Variants in WDPCP observed in about 807,000 individuals in gnomAD.
WDPCP encodes WD repeat containing planar cell polarity effector.
In WDPCP, 71 loss-of-function variants were observed where a neutral mutation model predicts 93.1. The ratio of observed to expected loss-of-function variants is 0.76; its 90% CI spans 0.63 to 0.93. The LOEUF (loss-of-function observed/expected upper bound fraction) is 0.93. Ranked by LOEUF, WDPCP falls within the 40% of genes least tolerant of loss-of-function variation. The pLI, the probability that WDPCP is intolerant of heterozygous loss-of-function variation, is 0.00. For synonymous variants in WDPCP, 315 were observed against 315.0 expected (o/e 1.00, Z 0.00); for missense variants, 844 against 887.4 (o/e 0.95, Z 0.62).
At chr2:63,542,289 C>T (rs1704806250) in intron 1 of WDPCP, among the ~76,000 whole-genome samples, 1 of 152,022 alleles carries the variant, frequency 6.6e-6, no homozygotes, top group South Asian at 2.1e-4. Flanking sequence ...GAAAGACTGA[C>T]AGATTTGGAC....
At chr2:63,522,208 G>A (rs553425023) in intron 1 of WDPCP, among the ~76,000 whole-genome samples, 1 of 151,318 alleles carries the variant, frequency 6.6e-6, no homozygotes, top group Non-Finnish European at 1.5e-5. Flanking sequence ...GGCAGGTGAT[G>A]TTCCCCTCCC....
At chr2:63,319,021 A>T (rs886067908) in intron 12 of WDPCP, among the ~76,000 whole-genome samples, 6 of 152,198 alleles carry the variant, frequency 3.9e-5, no homozygotes, top group Non-Finnish European at 7.3e-5. Flanking sequence ...CTACAAATAG[A>T]CTGACCCTAG....
rs572815795 is a variant in WDPCP at position 63,355,608 on chromosome 2, G to A, written c.1748+22778C>T. ...TCAAACCCACATATCAGCCAGGCAC[G>A]GTGGCTCATGCCTGTAATCCTAGCA... is the stretch of plus-strand genomic sequence containing the variant. On this transcript the variant is annotated intron_variant, in intron 12 of 17. Coordinates refer to ENST00000272321, the MANE Select transcript of WDPCP (RefSeq NM_015910.7). Among the ~76,000 whole-genome samples, 38 of 152,190 alleles carry A rather than the reference G, an allele frequency of 2.5e-4. 1 individual carries two copies. The South Asian group carries it at 6.0e-3, about 24-fold the overall frequency.
At chr2:63,207,699 C>T (rs1215237577) in intron 14 of WDPCP, among the ~76,000 whole-genome samples, 1 of 152,088 alleles carries the variant, frequency 6.6e-6, no homozygotes, top group Admixed American at 6.6e-5. Context: ...TAGAATATGT[C>T]TTGATGTCGA....
chr2:63,251,608 C>T (rs1680734687), intron 14 of WDPCP, among the ~76,000 whole-genome samples: 1 of 150,592 alleles, frequency 6.6e-6, no homozygotes, highest in Non-Finnish European at 1.5e-5. Flanking sequence ...TCTCCTGCCT[C>T]AGCCTCCCAG....
chr2:63,585,835 CTTTTTTT>C (rs11309831), intron 1 of WDPCP, among the ~76,000 whole-genome samples: 1 of 103,106 alleles, frequency 9.7e-6, no homozygotes, highest in Admixed American at 1.0e-4. Flanking sequence ...AAATAATTTT[CTTTTTTT>C]TTTTTTTTTT....
chr2:63,515,234 G>A (rs528426287), intron 1 of WDPCP, among the ~76,000 whole-genome samples: 28 of 152,236 alleles, frequency 1.8e-4, no homozygotes, highest in Admixed American at 7.8e-4. Flanking sequence ...ATACATATGA[G>A]TGTGTGGTAG....
At chr2:63,802,032 A>G (rs1670703300) in intron 2 of WDPCP, among the ~76,000 whole-genome samples, 1 of 152,222 alleles carries the variant, frequency 6.6e-6, no homozygotes, top group African/African-American at 2.4e-5. Context: ...AAGAAAGGTT[A>G]TCAAAGAATT....
intron 2 of WDPCP, among the ~76,000 whole-genome samples, chr2:63,766,579 A>T (rs1575768034): frequency 1.1e-5 from 1 of 92,010 alleles, no homozygotes; most frequent in Non-Finnish European, 2.6e-5. Context: ...TATGTTACTT[A>T]AAAAAAAAAA....
intron 12 of WDPCP, among the ~76,000 whole-genome samples, chr2:63,326,568 GA>G (rs1687561499): frequency 6.6e-6 from 1 of 151,624 alleles, no homozygotes; most frequent in African/African-American, 2.4e-5. Flanking sequence ...GAGTCAGAAA[GA>G]AAGAAAGAGA....
intron 1 of WDPCP, among the ~76,000 whole-genome samples, chr2:63,515,811 G>A (rs1432725451): frequency 2.0e-5 from 3 of 152,168 alleles, no homozygotes; most frequent in African/African-American, 7.2e-5. Context: ...CTTGAGGCCA[G>A]GAGTTCGAGA....
intron 17 of WDPCP, among the ~76,000 whole-genome samples, chr2:63,141,761 C>CT (rs1363191836): frequency 1.4e-4 from 21 of 151,746 alleles, no homozygotes; most frequent in Non-Finnish European, 1.3e-4. Context: ...GGCCTGGACT[C>CT]TTTTTTTTGT....
intron 2 of WDPCP, among the ~76,000 whole-genome samples, chr2:63,776,916 A>G (rs1374060842): frequency 6.6e-6 from 1 of 152,162 alleles, no homozygotes; most frequent in African/African-American, 2.4e-5. Context: ...TCATAGAAGT[A>G]GTGCATAGAA....
chr2:63,707,282 G>A (rs1227360138), intron 2 of WDPCP, among the ~76,000 whole-genome samples: 1 of 152,102 alleles, frequency 6.6e-6, no homozygotes. Context: ...TGTAGATTTG[G>A]TCTTTTCACA....
intron 9 of WDPCP, among the ~76,000 whole-genome samples, chr2:63,424,591 G>A (rs781430252): frequency 4.6e-5 from 7 of 152,192 alleles, no homozygotes; most frequent in African/African-American, 7.2e-5. Context: ...GCCAGAGAGC[G>A]AAGCTGCAGG....
intron 12 of WDPCP, among the ~76,000 whole-genome samples, chr2:63,316,769 C>G (rs1407439361): frequency 1.3e-5 from 2 of 152,122 alleles, no homozygotes; most frequent in Non-Finnish European, 2.9e-5. Flanking sequence ...TCTCCCTTCT[C>G]AGATGATAAG....
intron 13 of WDPCP, among the ~76,000 whole-genome samples, chr2:63,261,758 G>T (rs1249165027): frequency 6.6e-6 from 1 of 152,026 alleles, no homozygotes; most frequent in Admixed American, 6.5e-5. Context: ...CTTCAGTTTT[G>T]CCTCTTGGCT....
chr2:63,341,661 A>T (rs1225450077), intron 12 of WDPCP, among the ~76,000 whole-genome samples: 8 of 152,082 alleles, frequency 5.3e-5, no homozygotes, highest in Non-Finnish European at 1.2e-4. Context: ...TTAGTGTATA[A>T]CTTTCTATTC....
upstream of WDPCP, among the ~76,000 whole-genome samples, chr2:63,832,742 T>C (rs1671232442): frequency 6.6e-6 from 1 of 152,226 alleles, no homozygotes; most frequent in African/African-American, 2.4e-5. Context: ...GAGTGCCTAT[T>C]ATGTGTCAAG....
Sources: gnomAD v4.1 joint callset for allele counts (sites outside exome capture counted in the v4.1 genomes callset) on GRCh38, gnomAD v4.1.1 for gene constraint, MANE v1.5 for transcripts, NCBI Gene and HGNC (gene_info 2026-07-23, HGNC 2026-07-21) for gene names.